The following TP73 variants were observed in gnomAD, a reference collection of about 807,000 sequenced individuals.
TP73 encodes the protein p53-like transcription factor.
Under a neutral mutation model 62.5 loss-of-function variants are expected in TP73, and 25 were observed. That is an observed-to-expected ratio of 0.40 (90% CI 0.29 to 0.56). The LOEUF is 0.56. Among genes scored for constraint, TP73 ranks in the 20% least tolerant of loss-of-function variants. The probability of loss-of-function intolerance (pLI) is 0.46; values close to 1 mark genes in which losing one functional copy is unlikely to be tolerated. For missense variants in TP73, 754 were observed against 913.3 expected (o/e 0.83, Z 2.25); for synonymous variants, 423 against 377.5 (o/e 1.12, Z -1.40).
At chr1:3,716,553 C>A (rs1434068350) in intron 4 of TP73, among the ~76,000 whole-genome samples, 3 of 152,228 alleles carry the variant, frequency 2.0e-5, no homozygotes, top group Non-Finnish European at 4.4e-5. Flanking sequence ...GAGGGACCAG[C>A]CCTGTGACAT....
intron 6 of TP73, among the ~76,000 whole-genome samples, chr1:3,724,047 G>A (rs1279515607): frequency 1.3e-5 from 2 of 151,894 alleles, no homozygotes; most frequent in East Asian, 3.9e-4. Flanking sequence ...GGGTGCAGGG[G>A]ACTGGGGGGC....
chr1:3,695,223 G>A (rs1380326335), intron 3 of TP73, among the ~76,000 whole-genome samples: 2 of 152,362 alleles, frequency 1.3e-5, no homozygotes, highest in Non-Finnish European at 1.5e-5. Context: ...GAGGCTGAGC[G>A]CTGGAGACGT....
intron 5 of TP73, 30 bp from the exon 6 acceptor site, chr1:3,723,324 C>A (rs1482655461): frequency 6.3e-7 from 1 of 1,590,080 alleles, no homozygotes; most frequent in African/African-American, 1.3e-5. Flanking sequence ...CCTCTATGCA[C>A]CTCTCTGAAG....
At chr1:3,679,825 GTCTC>G (rs768675245) in intron 1 of TP73, among the ~76,000 whole-genome samples, 1 of 73,888 alleles carries the variant, frequency 1.4e-5, no homozygotes, top group Non-Finnish European at 2.8e-5. Context: ...CTCTGTCTCT[GTCTC>G]TCTTTGTCCT....
chr1:3,716,472 G>C (rs1300955028), intron 4 of TP73, among the ~76,000 whole-genome samples: 6 of 152,226 alleles, frequency 3.9e-5, no homozygotes, highest in Non-Finnish European at 5.9e-5. Flanking sequence ...ACACCAAGGT[G>C]TTCTGAAACA....
At position 3,731,409 on chromosome 1, in the gene TP73, G is replaced by A. The variant is rs79295883; in HGVS notation, c.1485-54G>A. 8.2e-4 allele frequency: 1,281 copies of A among 1,555,904 alleles called. 8 individuals carry two copies. The African/African-American group carries it at 0.013, about 16-fold the overall frequency. On this transcript the variant is annotated intron_variant, in intron 12 of 13. Coordinates refer to ENST00000378295, the MANE Select transcript of TP73 (RefSeq NM_005427.4). ...GCCACTCTCAGAGATGGGGGCTCGCGCAGCCCTGTGCTCGGAAGCTAATGC... is the reference window on the plus strand; with the variant it reads ...GCCACTCTCAGAGATGGGGGCTCGCACAGCCCTGTGCTCGGAAGCTAATGC...
At chr1:3,690,874 C>T in intron 3 of TP73, 1 of 1,564,494 alleles carries the variant, frequency 6.4e-7, no homozygotes, top group South Asian at 1.2e-5. Flanking sequence ...GACACCAGTT[C>T]CCTGGCGTGT....
At chr1:3,705,540 C>A (rs1348286561) in intron 3 of TP73, among the ~76,000 whole-genome samples, 1 of 152,258 alleles carries the variant, frequency 6.6e-6, no homozygotes, top group Non-Finnish European at 1.5e-5. Context: ...GTGCCAAGAC[C>A]CTTGCAGTGG....
chr1:3,696,229 C>T lies in TP73; in HGVS notation c.187-11320C>T, dbSNP rs1480015209. 6.6e-6 allele frequency among the ~76,000 whole-genome samples: 1 copy of T among 152,034 alleles called. No individual in the cohort carries two copies. The highest frequency in any genetic ancestry group is 2.4e-5 in the African/African-American group (1 of 41,368). ...GCTTAGGGTGGAGTTTGAAGGTGAC[C>T]TTAGAGGAAGAGCAGGGGAGGATTC... is the stretch of plus-strand genomic sequence containing the variant. On this transcript the variant is annotated intron_variant, in intron 3 of 13. Coordinates refer to ENST00000378295, the MANE Select transcript of TP73 (RefSeq NM_005427.4). The surrounding 1 kb of genome is among the most constrained non-coding windows in gnomAD (Gnocchi z 4.1).
intron 3 of TP73, among the ~76,000 whole-genome samples, chr1:3,685,581 C>A (rs1192579111): frequency 1.3e-5 from 2 of 152,228 alleles, no homozygotes; most frequent in Non-Finnish European, 2.9e-5. Context: ...AGCATGCTGT[C>A]CCCTACCCCT....
At chr1:3,664,323 C>T (rs1645064790) in intron 1 of TP73, among the ~76,000 whole-genome samples, 1 of 152,190 alleles carries the variant, frequency 6.6e-6, no homozygotes, top group Admixed American at 6.5e-5. Context: ...CCCCGTGGCT[C>T]AGGGTGCCTG....
At chr1:3,686,763 G>A (rs1033539877) in intron 3 of TP73, among the ~76,000 whole-genome samples, 1 of 152,178 alleles carries the variant, frequency 6.6e-6, no homozygotes, top group Admixed American at 6.5e-5. Flanking sequence ...GTGGCTGGGG[G>A]CTCCGAGGCC....
At chr1:3,657,956 C>T (rs1245525346) in intron 1 of TP73, among the ~76,000 whole-genome samples, 1 of 152,204 alleles carries the variant, frequency 6.6e-6, no homozygotes. Context: ...GACCCGGGCC[C>T]CAGCCCTGGA....
At chr1:3,731,824 G>A (rs901465452) in intron 13 of TP73, among the ~76,000 whole-genome samples, 2 of 152,238 alleles carry the variant, frequency 1.3e-5, no homozygotes, top group Non-Finnish European at 2.9e-5. Flanking sequence ...GTGTGCCTTT[G>A]ATTTTAGGGG....
chr1:3,731,392 C>A, intron 12 of TP73, 71 bp from the exon 13 acceptor site: 1 of 1,495,328 alleles, frequency 6.7e-7, no homozygotes, highest in Non-Finnish European at 9.2e-7. Flanking sequence ...AGGCCACTCT[C>A]AGAGATGGGG....
Position 3,683,105 on chromosome 1 carries a change from G to A in TP73, c.111G>A (p.Gly37=), listed in dbSNP as rs748164046. 4 of 1,612,516 alleles carry A rather than the reference G, an allele frequency of 2.5e-6. No homozygotes were observed. The Admixed American group carries it at 5.0e-5, about 20-fold the overall frequency. The change falls in exon 3 of 14, where the codon GGG becomes GGA. Residue 37 remains glycine, a synonymous_variant. Transcript: ENST00000378295. ...TCGACCTTCCCCAGTCAAGCCGGGGGAATAATGAGGTGGTGGGCGGAACGG... is the reference window on the plus strand; with the variant it reads ...TCGACCTTCCCCAGTCAAGCCGGGGAAATAATGAGGTGGTGGGCGGAACGG... ...TYFDLPQSSR[G]NNEVVGGTDS...
intron 1 of TP73, among the ~76,000 whole-genome samples, chr1:3,653,704 T>A (rs1042595953): frequency 3.3e-5 from 5 of 152,236 alleles, no homozygotes; most frequent in Non-Finnish European, 7.3e-5. Flanking sequence ...CAGCCTTAGC[T>A]CTGGGGGAGG....
Position 3,728,214 on chromosome 1 carries a change from T to C in TP73, c.1071T>C (p.Leu357=). 6.2e-7 allele frequency: 1 copy of C among 1,611,458 alleles called. No homozygotes were observed. The part of the protein sequence containing the change: ...RRHGDEDTYY[L]QVRGRENFEI... The stretch of plus-strand genomic sequence containing the variant: ...ATGGAGACGAGGACACGTACTACCT[T>C]CAGGTGAGTGTGTGCTCCTGCACGG... The change falls in exon 9 of 14, where the codon CTT becomes CTC. Residue 357 remains leucine (L), a synonymous_variant. Coordinates refer to ENST00000378295, the MANE Select transcript of TP73 (RefSeq NM_005427.4).
At chr1:3,710,245 C>T (rs2124412450) in intron 4 of TP73, among the ~76,000 whole-genome samples, 1 of 152,166 alleles carries the variant, frequency 6.6e-6, no homozygotes, top group South Asian at 2.1e-4. Context: ...AATGCTGTCG[C>T]CTGCACCCAG....
Sources: gnomAD v4.1 joint callset for allele counts (sites outside exome capture counted in the v4.1 genomes callset) on GRCh38, gnomAD v4.1.1 for gene constraint, Gnocchi (gnomAD v3.1) non-coding constraint, MANE v1.5 for transcripts, NCBI Gene and HGNC (gene_info 2026-07-23, HGNC 2026-07-21) for gene names.